The following FMN2 variants were observed in gnomAD, a reference collection of about 807,000 sequenced individuals.
The protein encoded by FMN2 is formin-2.
In FMN2, 51 loss-of-function variants were observed where a neutral mutation model predicts 142.3. The observed-to-expected ratio is 0.36, with a 90% CI of 0.29 to 0.45. The LOEUF (loss-of-function observed/expected upper bound fraction) is 0.45. Among genes scored for constraint, FMN2 ranks in the 20% least tolerant of loss-of-function variants. The pLI, the probability that FMN2 is intolerant of heterozygous loss-of-function variation, is 1.00. For synonymous variants in FMN2, 882 were observed against 869.8 expected (o/e 1.01, Z -0.25); for missense variants, 1,936 against 2,122.8 (o/e 0.91, Z 1.73).
intron 1 of FMN2, among the ~76,000 whole-genome samples, chr1:240,097,636 T>C (rs1459171211): frequency 6.6e-6 from 1 of 152,194 alleles, no homozygotes; most frequent in Admixed American, 6.5e-5. Context: ...ATTACAGGCG[T>C]GAGCCACCGC....
At chr1:240,180,080 C>T in intron 3 of FMN2, 6 of 749,364 alleles carry the variant, frequency 8.0e-6, no homozygotes, top group African/African-American at 3.7e-5. Flanking sequence ...CTGGTTTTTG[C>T]TTCATGATTT....
intron 5 of FMN2, among the ~76,000 whole-genome samples, chr1:240,209,927 A>G (rs1196718899): frequency 6.6e-6 from 1 of 151,632 alleles, no homozygotes; most frequent in Non-Finnish European, 1.5e-5. Flanking sequence ...TAAGTAAATA[A>G]ATAAATAAAT....
chr1:240,440,079 C>T (rs567259538), intron 16 of FMN2, among the ~76,000 whole-genome samples: 2 of 152,270 alleles, frequency 1.3e-5, no homozygotes, highest in East Asian at 1.9e-4. Flanking sequence ...GGACTGATGA[C>T]GTTGTCACTT....
intron 16 of FMN2, among the ~76,000 whole-genome samples, chr1:240,455,857 C>T (rs1365268001): frequency 2.0e-5 from 3 of 151,876 alleles, no homozygotes; most frequent in Non-Finnish European, 4.4e-5. Flanking sequence ...CACCTGTAGT[C>T]CCAGCTACTC....
rs142530810 is a variant in FMN2 at position 240,243,437 on chromosome 1, G to A, written c.4066-14508G>A. On this transcript the variant is annotated intron_variant, in intron 6 of 17. Transcript: ENST00000319653. ...CTTTGTAAATTCCCAAGGGGCAGGA[G>A]TTGGCCAATGTATGGGTTGTTCTCC... Among the ~76,000 whole-genome samples, 168 of 152,290 alleles carry A rather than the reference G, an allele frequency of 1.1e-3. 1 individual carries two copies. The highest frequency in any genetic ancestry group is 4.0e-3 in the African/African-American group (165 of 41,556).
chr1:240,401,123 T>C (rs1280318730), intron 15 of FMN2: 1 of 140,268 alleles, frequency 7.1e-6, no homozygotes, highest in Non-Finnish European at 1.5e-5. Context: ...ACACCCCATC[T>C]AAAAAAAAAA....
At chr1:240,173,246 T>C (rs540760125) in intron 2 of FMN2, among the ~76,000 whole-genome samples, 1 of 152,248 alleles carries the variant, frequency 6.6e-6, no homozygotes, top group East Asian at 1.9e-4. Context: ...TCAAGTGGCT[T>C]TTATGTAGTC....
At chr1:240,429,889 TTTTTTG>T (rs1675082501) in intron 15 of FMN2, among the ~76,000 whole-genome samples, 1 of 137,910 alleles carries the variant, frequency 7.3e-6, no homozygotes, top group African/African-American at 3.5e-5. Flanking sequence ...TTTTTGTTTT[TTTTTTG>T]TTTTTTTTGA....
chr1:240,352,172 T>C (rs1030822834), intron 13 of FMN2, among the ~76,000 whole-genome samples: 1 of 152,198 alleles, frequency 6.6e-6, no homozygotes, highest in Non-Finnish European at 1.5e-5. Flanking sequence ...ACTTGAAGAC[T>C]GTAATGTAGT....
chr1:240,295,385 C>G (rs1289612205), intron 8 of FMN2, among the ~76,000 whole-genome samples: 1 of 152,166 alleles, frequency 6.6e-6, no homozygotes, highest in Non-Finnish European at 1.5e-5. Context: ...TATAAGATCT[C>G]TAGAAGTTAT....
intron 4 of FMN2, among the ~76,000 whole-genome samples, chr1:240,199,477 T>G (rs1395402413): frequency 6.6e-6 from 1 of 152,222 alleles, no homozygotes; most frequent in Admixed American, 6.5e-5. Flanking sequence ...AATGTTACAG[T>G]AATGTTTTCT....
At chr1:240,328,979 G>A in intron 8 of FMN2, 97 bp from the exon 9 acceptor site, 3 of 1,010,588 alleles carry the variant, frequency 3.0e-6, no homozygotes, top group Non-Finnish European at 4.5e-6. Flanking sequence ...GCGTTTCGCT[G>A]TATTCAGATC....
chr1:240,389,403 GT>G (rs1420676449), intron 14 of FMN2, among the ~76,000 whole-genome samples: 3 of 152,306 alleles, frequency 2.0e-5, no homozygotes, highest in Admixed American at 6.5e-5. Flanking sequence ...TTGAAAGTCT[GT>G]GCTTATAACA....
intron 15 of FMN2, among the ~76,000 whole-genome samples, chr1:240,402,223 A>C (rs925271570): frequency 6.6e-6 from 1 of 152,252 alleles, no homozygotes; most frequent in African/African-American, 2.4e-5. Context: ...TTCTATAAAT[A>C]GTATTAAAAA....
chr1:240,148,207 GAGAGAGACAGAGAC>G (rs1452799939), intron 2 of FMN2, among the ~76,000 whole-genome samples: 2,366 of 148,416 alleles, frequency 0.016, 50 homozygotes, highest in African/African-American at 0.055. Context: ...GAGACAGAGA[GAGAGAGACAGAGAC>G]AGAGAGACAG....
At chr1:240,254,022 T>C (rs1009880073) in intron 6 of FMN2, among the ~76,000 whole-genome samples, 3 of 152,054 alleles carry the variant, frequency 2.0e-5, no homozygotes, top group African/African-American at 7.2e-5. Context: ...GCCTGTCCTT[T>C]GGTCTTAGGG....
intron 16 of FMN2, among the ~76,000 whole-genome samples, chr1:240,441,992 A>G (rs1675637042): frequency 6.6e-6 from 1 of 152,218 alleles, no homozygotes; most frequent in East Asian, 1.9e-4. Context: ...GTCAAACCTC[A>G]GAAGGGCAAG....
At chr1:240,145,009 A>G in intron 2 of FMN2, 2 of 1,324,112 alleles carry the variant, frequency 1.5e-6, no homozygotes, top group Non-Finnish European at 2.2e-6. Context: ...TGATGTCAGC[A>G]GCAAAATGCT....
rs571014414 is a variant in FMN2, at chr1:240,211,396, T to A, written c.4065+161T>A. 1.2e-4 allele frequency among the ~76,000 whole-genome samples: 19 copies of A among 152,350 alleles called. 2 individuals are homozygous for A. In the Middle Eastern group the frequency reaches 0.014, roughly 109 times the overall value. On this transcript the variant is annotated intron_variant, in intron 6 of 17. Transcript: ENST00000319653. Reference sequence around the variant, plus strand: ...TTTAGAACATGTGGTTAAGTAAGACTAGCCCAAATAGAACAACACATAATT... The same window carrying A: ...TTTAGAACATGTGGTTAAGTAAGACAAGCCCAAATAGAACAACACATAATT...
Sources: gnomAD v4.1 joint callset for allele counts (sites outside exome capture counted in the v4.1 genomes callset) on GRCh38, gnomAD v4.1.1 for gene constraint, MANE v1.5 for transcripts, NCBI Gene and HGNC (gene_info 2026-07-23, HGNC 2026-07-21) for gene names.